The following SKIC3 variants were observed in gnomAD, a reference collection of about 807,000 sequenced individuals.
SKIC3 encodes SKI3 subunit of superkiller complex, also known as superkiller complex protein 3.
the SKIC3 span, among the ~76,000 whole-genome samples, chr5:95,478,646 T>C: frequency 6.6e-6 from 1 of 152,150 alleles, no homozygotes; most frequent in South Asian, 2.1e-4. Context: ...TATTAGCAAA[T>C]TGACCCCGGC....
the SKIC3 span, chr5:95,540,669 G>C: frequency 6.2e-7 from 1 of 1,613,402 alleles, no homozygotes; most frequent in Non-Finnish European, 8.5e-7. Context: ...GAACAAACTT[G>C]AGGAATAAAT....
At chr5:95,498,241 T>A in the SKIC3 span, 1 of 918,080 alleles carries the variant, frequency 1.1e-6, no homozygotes, top group East Asian at 2.6e-5. Context: ...TGTGTAAAAT[T>A]TCATAAAACC....
the SKIC3 span, among the ~76,000 whole-genome samples, chr5:95,504,919 C>T: frequency 8.6e-5 from 13 of 151,982 alleles, no homozygotes; most frequent in Non-Finnish European, 1.8e-4. Flanking sequence ...GCAGGAGAAT[C>T]ACTTGAACCC....
At chr5:95,489,101 G>C in the SKIC3 span, among the ~76,000 whole-genome samples, 2 of 152,236 alleles carry the variant, frequency 1.3e-5, no homozygotes, top group Non-Finnish European at 2.9e-5. Context: ...AGGACTGCTT[G>C]AGCCTAGGAG....
At chr5:95,538,385 C>T in the SKIC3 span, among the ~76,000 whole-genome samples, 51 of 152,252 alleles carry the variant, frequency 3.3e-4, 1 homozygote, top group Middle Eastern at 3.4e-3. Context: ...CTTATTCTCA[C>T]ATTTTTATCC....
At chr5:95,500,164 T>C in the SKIC3 span, among the ~76,000 whole-genome samples, 4 of 152,182 alleles carry the variant, frequency 2.6e-5, no homozygotes, top group East Asian at 5.8e-4. Flanking sequence ...TTCCTCTGCT[T>C]CTAGATCATT....
At chr5:95,473,209 T>C in the SKIC3 span, among the ~76,000 whole-genome samples, 1 of 152,196 alleles carries the variant, frequency 6.6e-6, no homozygotes, top group East Asian at 1.9e-4. Context: ...AATTTACATC[T>C]CCACCAACAG....
chr5:95,553,719 C>T, the SKIC3 span, among the ~76,000 whole-genome samples: 1 of 152,268 alleles, frequency 6.6e-6, no homozygotes, highest in Non-Finnish European at 1.5e-5. Context: ...GCCACCACGC[C>T]CAGTATTTTG....
At chr5:95,479,991 T>C in the SKIC3 span, among the ~76,000 whole-genome samples, 1 of 152,160 alleles carries the variant, frequency 6.6e-6, no homozygotes, top group Non-Finnish European at 1.5e-5. Context: ...AAGGCATCAC[T>C]GTAATTCAAT....
At chr5:95,464,705 C>T in the SKIC3 span, 48 of 1,588,326 alleles carry the variant, frequency 3.0e-5, no homozygotes, top group Non-Finnish European at 4.0e-5. Flanking sequence ...CATACAGGAA[C>T]GTCAGTATTT....
chr5:95,506,808 C>A, the SKIC3 span: 8 of 974,070 alleles, frequency 8.2e-6, no homozygotes, highest in South Asian at 1.1e-4. Context: ...GAGCCTGTTT[C>A]TATGGAAATT....
the SKIC3 span, chr5:95,494,771 A>G: frequency 6.2e-7 from 1 of 1,613,734 alleles, no homozygotes; most frequent in South Asian, 1.1e-5. Context: ...CAACTGATTT[A>G]CCGCAGTGTA....
chr5:95,486,963 T>C, the SKIC3 span, among the ~76,000 whole-genome samples: 2 of 152,296 alleles, frequency 1.3e-5, no homozygotes, highest in Admixed American at 6.5e-5. Flanking sequence ...GACTGAAGGA[T>C]ACAAAGTATT....
the SKIC3 span, among the ~76,000 whole-genome samples, chr5:95,481,381 C>CA: frequency 1.3e-5 from 2 of 152,132 alleles, no homozygotes; most frequent in Non-Finnish European, 2.9e-5. Context: ...CCATGTGAGA[C>CA]ACGCCTTCCT....
the SKIC3 span, chr5:95,512,535 G>A: frequency 6.2e-7 from 1 of 1,613,988 alleles, no homozygotes; most frequent in Non-Finnish European, 8.5e-7. Flanking sequence ...GGAGGATGTT[G>A]TACTGGTACA....
the SKIC3 span, among the ~76,000 whole-genome samples, chr5:95,511,639 T>C: frequency 6.6e-6 from 1 of 152,220 alleles, no homozygotes; most frequent in Non-Finnish European, 1.5e-5. Context: ...ATTATTTGAC[T>C]GCCAATATTT....
At chr5:95,469,978 A>AT in the SKIC3 span, 8 of 1,476,834 alleles carry the variant, frequency 5.4e-6, no homozygotes, top group African/African-American at 3.3e-5. Context: ...ATTCAATTCA[A>AT]TTCTTTTTTT....
At chr5:95,513,701 A>C in the SKIC3 span, 1 of 1,527,088 alleles carries the variant, frequency 6.5e-7, no homozygotes, top group African/African-American at 1.4e-5. Flanking sequence ...AACAATAATA[A>C]TACAAAATGA....
At chr5:95,468,729 CGTT>C in the SKIC3 span, among the ~76,000 whole-genome samples, 4 of 152,024 alleles carry the variant, frequency 2.6e-5, no homozygotes, top group African/African-American at 9.7e-5. Context: ...GTAGTAAGCA[CGTT>C]GTTATTTTTC....
Sources: allele counts gnomAD v4.1 joint callset (sites outside exome capture counted in the v4.1 genomes callset), GRCh38; gene constraint gnomAD v4.1.1; transcripts MANE v1.5; gene names NCBI Gene and HGNC (gene_info 2026-07-23, HGNC 2026-07-21).